GREM2: variants seen among roughly 807,000 people sequenced by gnomAD.
GREM2 encodes gremlin 2, DAN family BMP antagonist, also known as gremlin-2.
In GREM2, 11 loss-of-function variants were observed where a neutral mutation model predicts 14.2. That is an observed-to-expected ratio of 0.78 (90% CI 0.49 to 1.28). GREM2 has a LOEUF of 1.28. Ranked by LOEUF, GREM2 falls within the 50% of genes most tolerant of loss-of-function variation. GREM2 has a pLI of 0.00. For missense variants in GREM2, 210 were observed against 218.5 expected, an observed-to-expected ratio of 0.96 and a Z score of 0.24; for synonymous variants, 98 against 97.6, an observed-to-expected ratio of 1.00 and a Z score of -0.02.
intron 1 of GREM2, among the ~76,000 whole-genome samples, chr1:240,547,303 A>C (rs548986359): frequency 2.6e-5 from 4 of 151,956 alleles, no homozygotes; most frequent in African/African-American, 9.7e-5. Context: ...GATCAAGACC[A>C]TCCTGGCTAA....
intron 1 of GREM2, among the ~76,000 whole-genome samples, chr1:240,601,912 CAA>C (rs58182251): frequency 0.34 from 32,832 of 95,794 alleles, 3,487 homozygotes; most frequent in South Asian, 0.42. Flanking sequence ...GAATCCATCT[CAA>C]AAAAAAAAAA....
chr1:240,551,163 T>C (rs1417656252), intron 1 of GREM2, among the ~76,000 whole-genome samples: 1 of 152,142 alleles, frequency 6.6e-6, no homozygotes, highest in African/African-American at 2.4e-5. Flanking sequence ...AGTACTGAAA[T>C]AGCCTCTGCA....
intron 1 of GREM2, among the ~76,000 whole-genome samples, chr1:240,589,675 G>C (rs930873124): frequency 6.6e-6 from 1 of 152,014 alleles, no homozygotes; most frequent in Non-Finnish European, 1.5e-5. Flanking sequence ...GATCCTATGC[G>C]ATCATAAACT....
chr1:240,525,235 C>T (rs1387871264), intron 1 of GREM2, among the ~76,000 whole-genome samples: 1 of 152,174 alleles, frequency 6.6e-6, no homozygotes, highest in Non-Finnish European at 1.5e-5. Flanking sequence ...GTGTCCAGTG[C>T]TGTGTCTCCA....
chr1:240,571,365 C>CT (rs2103363568), intron 1 of GREM2, among the ~76,000 whole-genome samples: 1 of 152,254 alleles, frequency 6.6e-6, no homozygotes, highest in East Asian at 1.9e-4. Context: ...TAAAATAATT[C>CT]TTTTTCTGTA....
At chr1:240,572,873 A>G (rs370119861) in intron 1 of GREM2, among the ~76,000 whole-genome samples, 82 of 152,312 alleles carry the variant, frequency 5.4e-4, no homozygotes, top group African/African-American at 1.8e-3. Flanking sequence ...TCACTGTGAT[A>G]ATGCAGCCAA....
chr1:240,609,743 C>T (rs1040110411), intron 1 of GREM2, among the ~76,000 whole-genome samples: 2 of 152,192 alleles, frequency 1.3e-5, no homozygotes, highest in Admixed American at 1.3e-4. Context: ...TCTGCAGTCT[C>T]TCAGTGTCTG....
chr1:240,495,926 GT>G (rs1009435118), intron 1 of GREM2, among the ~76,000 whole-genome samples: 2 of 125,114 alleles, frequency 1.6e-5, no homozygotes, highest in African/African-American at 5.2e-5. Context: ...TAAGGCAAAG[GT>G]TTTTTTTGTT....
intron 1 of GREM2, among the ~76,000 whole-genome samples, chr1:240,601,575 C>T (rs1679924603): frequency 6.6e-6 from 1 of 152,160 alleles, no homozygotes; most frequent in Admixed American, 6.5e-5. Flanking sequence ...TGGACAACAG[C>T]ATTTACCTCA....
chr1:240,562,798 TGA>T (rs1413416609), intron 1 of GREM2, among the ~76,000 whole-genome samples: 10 of 151,600 alleles, frequency 6.6e-5, no homozygotes, highest in East Asian at 3.9e-4. Flanking sequence ...TGTGTGTATG[TGA>T]GTGTGTATGT....
intron 1 of GREM2, among the ~76,000 whole-genome samples, chr1:240,585,573 C>T (rs762895364): frequency 6.6e-6 from 1 of 151,336 alleles, no homozygotes; most frequent in Non-Finnish European, 1.5e-5. Flanking sequence ...CTACTATACA[C>T]ACAAAAATTA....
At chr1:240,495,565 G>A (rs1425815777) in intron 1 of GREM2, among the ~76,000 whole-genome samples, 1 of 152,070 alleles carries the variant, frequency 6.6e-6, no homozygotes. Flanking sequence ...CGTATTTAAT[G>A]ATCTGAGTTC....
At chr1:240,541,059 A>G (rs1429647326) in intron 1 of GREM2, among the ~76,000 whole-genome samples, 1 of 152,340 alleles carries the variant, frequency 6.6e-6, no homozygotes, top group South Asian at 2.1e-4. Context: ...GCTCACACCA[A>G]TGGTGAATAC....
intron 1 of GREM2, among the ~76,000 whole-genome samples, chr1:240,512,702 A>G (rs964398202): frequency 6.6e-6 from 1 of 152,252 alleles, no homozygotes; most frequent in African/African-American, 2.4e-5. Flanking sequence ...TGTATTTTAA[A>G]AAGTTTCCAG....
intron 1 of GREM2, among the ~76,000 whole-genome samples, chr1:240,601,666 A>G (rs1006314068): frequency 1.3e-5 from 2 of 152,130 alleles, no homozygotes; most frequent in Non-Finnish European, 2.9e-5. Flanking sequence ...CAGCACTTTG[A>G]GAGGCCGAGG....
At chr1:240,553,266 A>G (rs1313126882) in intron 1 of GREM2, among the ~76,000 whole-genome samples, 1 of 152,228 alleles carries the variant, frequency 6.6e-6, no homozygotes, top group African/African-American at 2.4e-5. Flanking sequence ...ATTGCTTACA[A>G]GGGGAAGCTA....
intron 1 of GREM2, among the ~76,000 whole-genome samples, chr1:240,577,301 C>T (rs1679390674): frequency 6.6e-6 from 1 of 151,504 alleles, no homozygotes; most frequent in Non-Finnish European, 1.5e-5. Flanking sequence ...AAATTAAAAA[C>T]ATGTTTCTTC....
intron 1 of GREM2, among the ~76,000 whole-genome samples, chr1:240,585,728 TCAAAAAAA>T (rs1558173204): frequency 2.1e-5 from 1 of 48,498 alleles, no homozygotes; most frequent in Admixed American, 3.6e-4. Context: ...AGACTCCATC[TCAAAAAAA>T]AAAAAAAAAA....
intron 1 of GREM2, among the ~76,000 whole-genome samples, chr1:240,532,640 T>TATAGATAGATAC (rs1265648468): frequency 9.6e-6 from 1 of 104,172 alleles, no homozygotes; most frequent in African/African-American, 3.2e-5. Flanking sequence ...AAGAGATATA[T>TATAGATAGATAC]ATAGATAGAT....
Sources: gnomAD v4.1 joint callset for allele counts (sites outside exome capture counted in the v4.1 genomes callset) on GRCh38, gnomAD v4.1.1 for gene constraint, MANE v1.5 for transcripts, NCBI Gene and HGNC (gene_info 2026-07-23, HGNC 2026-07-21) for gene names.